SHC4: variants seen among roughly 807,000 people sequenced by gnomAD.
SHC4 encodes SHC adaptor protein 4, also known as SHC-transforming protein 4.
Under a neutral mutation model 69.4 loss-of-function variants are expected in SHC4, and 41 were observed. The ratio of observed to expected loss-of-function variants is 0.59; its 90% CI spans 0.46 to 0.77. The LOEUF (loss-of-function observed/expected upper bound fraction) is 0.77, where lower values mean the gene tolerates loss of function less well. SHC4 is among the 30% of genes least tolerant of loss of function. The probability of loss-of-function intolerance (pLI) is 0.00; values close to 1 mark genes in which losing one functional copy is unlikely to be tolerated. For synonymous variants in SHC4, 318 were observed against 299.3 expected (o/e 1.06, Z -0.64); for missense variants, 777 against 783.8 (o/e 0.99, Z 0.10).
intron 4 of SHC4, chr15:48,878,495 G>A (rs747676847): frequency 1.2e-6 from 2 of 1,614,014 alleles, no homozygotes; most frequent in East Asian, 2.2e-5. Context: ...TGACTGGGAG[G>A]ACGACTACGA....
chr15:48,876,253 G>T (rs1899796275), intron 4 of SHC4, among the ~76,000 whole-genome samples: 1 of 152,166 alleles, frequency 6.6e-6, no homozygotes, highest in Non-Finnish European at 1.5e-5. Context: ...CTGGAATCAT[G>T]CGGGTGACAA....
chr15:48,961,502 G>T (rs1032997519), intron 1 of SHC4, among the ~76,000 whole-genome samples: 5 of 152,000 alleles, frequency 3.3e-5, no homozygotes, highest in African/African-American at 1.2e-4. Context: ...CAGTGACTTT[G>T]CTCCTATTCT....
chr15:48,848,831 T>C (rs924244339), intron 9 of SHC4, among the ~76,000 whole-genome samples: 8 of 151,784 alleles, frequency 5.3e-5, no homozygotes, highest in African/African-American at 1.9e-4. Flanking sequence ...GTTTTAAGAA[T>C]TTTTTTTTAA....
rs561809988 is a variant in SHC4, at chr15:48,825,573, A to G, written c.*398T>C. 6.3e-6 allele frequency: 1 copy of G among 159,868 alleles called. No individual in the cohort carries two copies. Among genetic ancestry groups the G allele is most frequent in the African/African-American group, 2.4e-5 (1 of 41,726 alleles). The allele number at this position is 159,868 out of a possible 1,614,324, so 9.9% of individuals were successfully genotyped here. On this transcript the variant is annotated 3_prime_UTR_variant, in exon 12 of 12. Transcript: ENST00000332408. ...ATAGTCATAGAACATGAAGATACTT[A>G]GAATTAATCTCCCAATATGAAAATG...
intron 6 of SHC4, among the ~76,000 whole-genome samples, chr15:48,862,254 T>C (rs979674298): frequency 4.6e-5 from 7 of 151,928 alleles, no homozygotes; most frequent in African/African-American, 1.7e-4. Flanking sequence ...TATATCCAGG[T>C]AGTCCAAGCA....
At chr15:48,900,960 A>T (rs766216204) in intron 2 of SHC4, among the ~76,000 whole-genome samples, 1 of 152,226 alleles carries the variant, frequency 6.6e-6, no homozygotes, top group Non-Finnish European at 1.5e-5. Flanking sequence ...TTTGCAGGTT[A>T]TATAGTTTCT....
intron 2 of SHC4, among the ~76,000 whole-genome samples, chr15:48,910,716 C>G (rs113716605): frequency 0.013 from 1,990 of 152,192 alleles, 21 homozygotes; most frequent in Non-Finnish European, 0.019. Context: ...ATGAACTTCC[C>G]TCTTAGCACC....
At chr15:48,954,457 A>G (rs961916080) in intron 1 of SHC4, among the ~76,000 whole-genome samples, 3 of 152,246 alleles carry the variant, frequency 2.0e-5, no homozygotes, top group Non-Finnish European at 4.4e-5. Context: ...GCATTTTAAC[A>G]AGCATTTTTA....
In SHC4 at chr15:48,856,035, C is replaced by T. The variant is rs1273162953; in HGVS notation, c.1160G>A (p.Gly387Asp). The T allele has an allele frequency of 1.2e-6, 2 of 1,613,822 alleles. No individual in the cohort carries two copies. Among genetic ancestry groups the T allele is most frequent in the Non-Finnish European group, 1.7e-6 (2 of 1,179,904 alleles). ...AACTTTGATCCGCATATCTGAAACA[C>T]CACCTACTGGTGGCTGCTTCCCTGG... ...EIPGKQPPVGGVSDMRIKVQA... is the reference protein window; with the variant it reads ...EIPGKQPPVGDVSDMRIKVQA... The change falls in exon 8 of 12, where the codon GGT (glycine) becomes GAT (aspartate). Residue 387 changes from glycine (G) to aspartate (D), a missense_variant. Gly to Asp is a moderately conservative substitution (Grantham distance 94). Coordinates refer to ENST00000332408, the MANE Select transcript of SHC4 (RefSeq NM_203349.4).
intron 10 of SHC4, 39 bp from the exon 11 acceptor site, chr15:48,835,061 C>G: frequency 6.4e-7 from 1 of 1,568,542 alleles, no homozygotes; most frequent in Non-Finnish European, 8.6e-7. Flanking sequence ...ATCGAGTTAC[C>G]TCTTCATCCA....
chr15:48,887,451 G>T (rs967306978), intron 3 of SHC4, among the ~76,000 whole-genome samples: 34 of 152,100 alleles, frequency 2.2e-4, no homozygotes, highest in African/African-American at 7.7e-4. Context: ...TTTTTGTGAT[G>T]ATTAACAAAG....
chr15:48,907,004 A>G (rs183137374), intron 2 of SHC4, among the ~76,000 whole-genome samples: 10 of 152,340 alleles, frequency 6.6e-5, no homozygotes, highest in African/African-American at 2.4e-4. Flanking sequence ...TAAACATGCG[A>G]TTAGAAAAAC....
intron 2 of SHC4, among the ~76,000 whole-genome samples, chr15:48,897,263 G>A (rs1010656302): frequency 6.6e-6 from 1 of 152,168 alleles, no homozygotes; most frequent in Non-Finnish European, 1.5e-5. Context: ...ACATGAGAGA[G>A]AAGGGGAGAA....
chr15:48,843,392 A>G lies in SHC4; in HGVS notation c.1483+17T>C. The G allele has an allele frequency of 6.3e-7, 1 of 1,592,808 alleles. No homozygotes were observed. The highest frequency in any genetic ancestry group is 8.6e-7 in the Non-Finnish European group (1 of 1,166,334). On this transcript the variant is annotated intron_variant, in intron 10 of 11. Coordinates refer to ENST00000332408, the MANE Select transcript of SHC4 (RefSeq NM_203349.4). ...ACAGCCCTAAGAAATGAATACAGAC[A>G]GTGAGTAGCTACTTACTTCCGCAGT...
chr15:48,888,757 T>C (rs1005097932), intron 3 of SHC4, among the ~76,000 whole-genome samples: 2 of 151,762 alleles, frequency 1.3e-5, no homozygotes, highest in Non-Finnish European at 2.9e-5. Context: ...CAGCCAGGCA[T>C]GGTGGCACAT....
intron 2 of SHC4, among the ~76,000 whole-genome samples, chr15:48,911,913 G>A (rs1286458354): frequency 6.6e-6 from 1 of 152,180 alleles, no homozygotes; most frequent in East Asian, 1.9e-4. Flanking sequence ...TGAGGAGGCT[G>A]AAGATAGGGC....
At chr15:48,873,048 T>C (rs1044193824) in intron 4 of SHC4, among the ~76,000 whole-genome samples, 10 of 152,252 alleles carry the variant, frequency 6.6e-5, no homozygotes, top group African/African-American at 2.4e-4. Context: ...CAAAAAATAT[T>C]CTCAAAGAAG....
intron 1 of SHC4, among the ~76,000 whole-genome samples, chr15:48,932,614 C>T (rs1187319632): frequency 6.6e-6 from 1 of 152,114 alleles, no homozygotes; most frequent in African/African-American, 2.4e-5. Context: ...CCTTCTTATC[C>T]ATGTCCATCT....
chr15:48,907,373 C>A (rs1900423286), intron 2 of SHC4, among the ~76,000 whole-genome samples: 1 of 151,894 alleles, frequency 6.6e-6, no homozygotes, highest in African/African-American at 2.4e-5. Context: ...CAGGCATGCA[C>A]CATCATGCCC....
Sources: gnomAD v4.1 joint callset for allele counts (sites outside exome capture counted in the v4.1 genomes callset) on GRCh38, gnomAD v4.1.1 for gene constraint, MANE v1.5 for transcripts, NCBI Gene and HGNC (gene_info 2026-07-23, HGNC 2026-07-21) for gene names.